The following SPOCK1 variants were observed in gnomAD, a reference collection of about 807,000 sequenced individuals.
The protein encoded by SPOCK1 is SPARC (osteonectin), cwcv and kazal like domains proteoglycan 1, also known as testican-1.
In SPOCK1, 23 loss-of-function variants were observed where a neutral mutation model predicts 55.3. That is an observed-to-expected ratio of 0.42 (90% CI 0.30 to 0.59). The LOEUF (loss-of-function observed/expected upper bound fraction) is 0.59, where lower values mean the gene tolerates loss of function less well. Ranked by LOEUF, SPOCK1 falls within the 20% of genes least tolerant of loss-of-function variation. The pLI, the probability that SPOCK1 is intolerant of heterozygous loss-of-function variation, is 0.22. For synonymous variants in SPOCK1, 226 were observed against 221.0 expected (o/e 1.02, Z -0.20); for missense variants, 499 against 552.5 (o/e 0.90, Z 0.97).
intron 2 of SPOCK1, among the ~76,000 whole-genome samples, chr5:137,494,863 C>T (rs909998360): frequency 6.6e-6 from 1 of 152,162 alleles, no homozygotes; most frequent in Non-Finnish European, 1.5e-5. Context: ...TATGGAAAGC[C>T]AAAGCCAAAT....
intron 2 of SPOCK1, among the ~76,000 whole-genome samples, chr5:137,447,020 T>C (rs12109039): frequency 6.6e-6 from 1 of 152,130 alleles, no homozygotes; most frequent in African/African-American, 2.4e-5. Flanking sequence ...TCCACTTGTA[T>C]GTATACACCA....
intron 3 of SPOCK1, among the ~76,000 whole-genome samples, chr5:137,156,693 G>T (rs1754423916): frequency 6.6e-6 from 1 of 152,136 alleles, no homozygotes; most frequent in Non-Finnish European, 1.5e-5. Flanking sequence ...ATGACCTCAA[G>T]GAATCCGTAC....
At chr5:137,403,746 C>T (rs950791496) in intron 2 of SPOCK1, among the ~76,000 whole-genome samples, 11 of 151,566 alleles carry the variant, frequency 7.3e-5, no homozygotes, top group South Asian at 2.1e-4. Context: ...GCAAGGGGGA[C>T]GGTATGGCTG....
chr5:137,124,931 A>G (rs1484447901), intron 4 of SPOCK1, among the ~76,000 whole-genome samples: 1 of 152,240 alleles, frequency 6.6e-6, no homozygotes, highest in Non-Finnish European at 1.5e-5. Flanking sequence ...GAACAGGGCC[A>G]CTTTCACAGC....
intron 3 of SPOCK1, among the ~76,000 whole-genome samples, chr5:137,229,600 C>A (rs1159338362): frequency 6.6e-6 from 1 of 152,126 alleles, no homozygotes. Context: ...TAACAGGGGG[C>A]TCAGACGAGA....
chr5:137,451,999 T>C (rs1409405542), intron 2 of SPOCK1, among the ~76,000 whole-genome samples: 5 of 152,234 alleles, frequency 3.3e-5, no homozygotes, highest in Non-Finnish European at 5.9e-5. Context: ...TATACTGACC[T>C]TGGTTAAACA....
At chr5:137,219,244 CAG>C (rs1219572014) in intron 3 of SPOCK1, among the ~76,000 whole-genome samples, 1 of 152,150 alleles carries the variant, frequency 6.6e-6, no homozygotes, top group African/African-American at 2.4e-5. Context: ...AAATTATTTG[CAG>C]AGTGGTAAGT....
intron 2 of SPOCK1, among the ~76,000 whole-genome samples, chr5:137,317,806 C>T (rs559952442): frequency 8.5e-5 from 13 of 152,270 alleles, no homozygotes; most frequent in East Asian, 7.7e-4. Context: ...AAACTAGTCA[C>T]GATGGGCATA....
intron 2 of SPOCK1, among the ~76,000 whole-genome samples, chr5:137,477,605 C>T (rs1277066458): frequency 6.6e-6 from 1 of 152,180 alleles, no homozygotes; most frequent in African/African-American, 2.4e-5. Context: ...CAAAGCAAAC[C>T]TGTCAACCTA....
At chr5:137,162,484 A>G (rs1754578608) in intron 3 of SPOCK1, among the ~76,000 whole-genome samples, 1 of 152,096 alleles carries the variant, frequency 6.6e-6, no homozygotes, top group South Asian at 2.1e-4. Context: ...GTGTGCCTAA[A>G]TCAGAGATGA....
At chr5:137,065,829 C>T (rs959589520) in intron 6 of SPOCK1, among the ~76,000 whole-genome samples, 1 of 152,168 alleles carries the variant, frequency 6.6e-6, no homozygotes, top group Non-Finnish European at 1.5e-5. Context: ...TTGTCTGAGT[C>T]TCTTTACTTT....
At chr5:137,307,085 A>C (rs776244239) in intron 2 of SPOCK1, among the ~76,000 whole-genome samples, 2 of 152,208 alleles carry the variant, frequency 1.3e-5, no homozygotes, top group South Asian at 4.1e-4. Context: ...TTGAGCCTCA[A>C]TGCTCTTGCC....
intron 2 of SPOCK1, among the ~76,000 whole-genome samples, chr5:137,320,284 A>G (rs1263109212): frequency 6.6e-6 from 1 of 152,198 alleles, no homozygotes; most frequent in Non-Finnish European, 1.5e-5. Context: ...GGAAACTGAC[A>G]TACCTTGGAT....
At chr5:137,163,742 G>A (rs11746562) in intron 3 of SPOCK1, among the ~76,000 whole-genome samples, 27,133 of 152,084 alleles carry the variant, frequency 0.18, 3,255 homozygotes, top group East Asian at 0.38. Context: ...GCTAGATCGC[G>A]CAAAGATTTT....
chr5:137,268,095 C>T (rs1192249165), intron 2 of SPOCK1, among the ~76,000 whole-genome samples: 4 of 152,174 alleles, frequency 2.6e-5, no homozygotes, highest in Admixed American at 6.5e-5. Flanking sequence ...ATTGTCCATG[C>T]TGTGTTCTGA....
chr5:137,070,727 G>T (rs73790684), intron 5 of SPOCK1, among the ~76,000 whole-genome samples: 1,564 of 152,146 alleles, frequency 0.01, 33 homozygotes, highest in African/African-American at 0.036. Flanking sequence ...GCCTATCATT[G>T]GAGTATGAGC....
At chr5:137,172,659 C>G (rs1199636226) in intron 3 of SPOCK1, among the ~76,000 whole-genome samples, 1 of 152,022 alleles carries the variant, frequency 6.6e-6, no homozygotes, top group Non-Finnish European at 1.5e-5. Context: ...TTTTTTGAGG[C>G]CAAGGTGCTG....
chr5:137,118,226 G>A (rs913938376), intron 4 of SPOCK1, among the ~76,000 whole-genome samples: 6 of 152,146 alleles, frequency 3.9e-5, no homozygotes, highest in African/African-American at 1.4e-4. Flanking sequence ...ATATAGTATT[G>A]AAACAAATCT....
At chr5:137,154,482 G>C (rs1754377206) in intron 3 of SPOCK1, among the ~76,000 whole-genome samples, 1 of 152,198 alleles carries the variant, frequency 6.6e-6, no homozygotes, top group Non-Finnish European at 1.5e-5. Context: ...AATGGCCTTG[G>C]AGTGATGGAT....
Sources: gnomAD v4.1 joint callset for allele counts (sites outside exome capture counted in the v4.1 genomes callset) on GRCh38, gnomAD v4.1.1 for gene constraint, MANE v1.5 for transcripts, NCBI Gene and HGNC (gene_info 2026-07-23, HGNC 2026-07-21) for gene names.